Variants in VSTM4 observed in about 807,000 individuals in gnomAD.
VSTM4 encodes the protein V-set and transmembrane domain-containing protein 4.
VSTM4 carries 20 observed loss-of-function variants against 36.4 expected under a neutral mutation model. That is an observed-to-expected ratio of 0.55 (90% CI 0.39 to 0.80). The LOEUF (loss-of-function observed/expected upper bound fraction) is 0.80, where lower values mean the gene tolerates loss of function less well. Ranked by LOEUF, VSTM4 falls within the 30% of genes least tolerant of loss-of-function variation. The pLI, the probability that VSTM4 is intolerant of heterozygous loss-of-function variation, is 0.00. For missense variants in VSTM4, 392 were observed against 404.5 expected, an observed-to-expected ratio of 0.97 and a Z score of 0.26; for synonymous variants, 182 against 173.9, an observed-to-expected ratio of 1.05 and a Z score of -0.37.
chr10:49,020,069 T>G (rs1020860908), intron 7 of VSTM4, among the ~76,000 whole-genome samples: 1 of 152,072 alleles, frequency 6.6e-6, no homozygotes, highest in Non-Finnish European at 1.5e-5. Context: ...ACTTTAATGC[T>G]GAAGAGTAAA....
intron 5 of VSTM4, among the ~76,000 whole-genome samples, chr10:49,057,423 C>T (rs1843799989): frequency 6.6e-6 from 1 of 152,174 alleles, no homozygotes; most frequent in Non-Finnish European, 1.5e-5. Context: ...AAACCCTTAG[C>T]GACAGGGACA....
At chr10:49,026,972 A>C (rs936133890) in intron 7 of VSTM4, among the ~76,000 whole-genome samples, 1 of 152,154 alleles carries the variant, frequency 6.6e-6, no homozygotes, top group Non-Finnish European at 1.5e-5. Flanking sequence ...AGGGGAGTAC[A>C]GGTTTCTGTT....
intron 7 of VSTM4, among the ~76,000 whole-genome samples, chr10:49,034,668 C>T (rs185942664): frequency 2.0e-5 from 3 of 152,168 alleles, no homozygotes; most frequent in East Asian, 1.9e-4. Flanking sequence ...ATTTTGGGTG[C>T]CTAGCTTGAT....
At chr10:49,062,057 C>T (rs1018025539) in intron 5 of VSTM4, among the ~76,000 whole-genome samples, 10 of 152,182 alleles carry the variant, frequency 6.6e-5, no homozygotes, top group African/African-American at 2.4e-4. Flanking sequence ...TTACAATACA[C>T]ATATGTGACT....
chr10:49,108,100 T>G, intron 1 of VSTM4, 105 bp from the exon 2 acceptor site: 3 of 1,393,668 alleles, frequency 2.2e-6, no homozygotes, highest in South Asian at 3.0e-5. Context: ...CTGGGCATCC[T>G]AGTGCTCTGC....
At chr10:49,104,499 C>G (rs1003714757) in intron 2 of VSTM4, among the ~76,000 whole-genome samples, 2 of 152,238 alleles carry the variant, frequency 1.3e-5, no homozygotes, top group Non-Finnish European at 2.9e-5. Context: ...CCAACCCAAA[C>G]AGCCTGCCTG....
At chr10:49,105,339 A>G (rs1296181736) in intron 2 of VSTM4, among the ~76,000 whole-genome samples, 5 of 131,880 alleles carry the variant, frequency 3.8e-5, no homozygotes, top group Non-Finnish European at 4.9e-5. Context: ...CGGGGGGGGG[A>G]GAGACAGAGA....
intron 7 of VSTM4, among the ~76,000 whole-genome samples, chr10:49,045,544 C>T (rs957666625): frequency 6.6e-6 from 1 of 152,168 alleles, no homozygotes; most frequent in Non-Finnish European, 1.5e-5. Flanking sequence ...CATATCTCCC[C>T]TAAGATTTTT....
chr10:49,115,457 G>C lies in VSTM4; in HGVS notation c.29C>G (p.Ala10Gly). 1 of 1,038,772 alleles carries C rather than the reference G, an allele frequency of 9.6e-7. No homozygotes were observed. Among genetic ancestry groups the C allele is most frequent in the East Asian group, 1.0e-4 (1 of 9,806 alleles). 64.3% of individuals were successfully genotyped at this position (1,038,772 alleles called of 1,614,324 possible). ...CGGAGCCGGAGCCCGCGCCAGCAGC[G>C]CGGCCGCCGCCAGTGCCAGCAGCCG... MRLLALAAAALLARAPAPEV... is the reference protein window; with the variant it reads MRLLALAAAGLLARAPAPEV... The change falls in exon 1 of 8, where the codon GCG (alanine) becomes GGG (glycine). Residue 10 changes from alanine (A) to glycine (G), a missense_variant. Physicochemically the swap from Ala to Gly is moderately conservative, Grantham distance 60 (BLOSUM62 0). Transcript: ENST00000332853.
chr10:49,088,252 A>T (rs954581900), intron 2 of VSTM4, among the ~76,000 whole-genome samples: 1 of 152,124 alleles, frequency 6.6e-6, no homozygotes, highest in Admixed American at 6.5e-5. Flanking sequence ...CACTGGGCAC[A>T]TTGCCTGGCA....
chr10:49,115,099 C>A (rs1844967836), intron 1 of VSTM4, among the ~76,000 whole-genome samples: 2 of 152,194 alleles, frequency 1.3e-5, no homozygotes, highest in Admixed American at 1.3e-4. Flanking sequence ...AAAAGGAAAG[C>A]GAACCACCAA....
intron 7 of VSTM4, among the ~76,000 whole-genome samples, chr10:49,024,292 G>C (rs1843224143): frequency 6.6e-6 from 1 of 152,110 alleles, no homozygotes; most frequent in African/African-American, 2.4e-5. Context: ...AAAACTACCA[G>C]ACAGGGAGAA....
At chr10:49,035,055 C>T (rs1355239867) in intron 7 of VSTM4, among the ~76,000 whole-genome samples, 2 of 152,192 alleles carry the variant, frequency 1.3e-5, no homozygotes, top group South Asian at 2.1e-4. Flanking sequence ...TCTGCAGGCA[C>T]GTGGGGACAG....
chr10:49,055,470 T>G (rs969138182), intron 5 of VSTM4, among the ~76,000 whole-genome samples: 11 of 152,180 alleles, frequency 7.2e-5, no homozygotes, highest in Non-Finnish European at 1.6e-4. Context: ...AGGAGGGGCA[T>G]TGGTCTCCAC....
At chr10:49,059,852 T>C (rs182520503) in intron 5 of VSTM4, among the ~76,000 whole-genome samples, 51 of 152,388 alleles carry the variant, frequency 3.3e-4, no homozygotes, top group African/African-American at 1.1e-3. Context: ...TTCCATCTTG[T>C]ATTTTTATAG....
chr10:49,107,936 C>A lies in VSTM4; in HGVS notation c.115G>T (p.Gly39Trp). 1 of 1,612,002 alleles carries A rather than the reference C, an allele frequency of 6.2e-7. No homozygotes were observed. The highest frequency in any genetic ancestry group is 8.5e-7 in the Non-Finnish European group (1 of 1,178,958). Residue 39 changes from glycine (G) to tryptophan (W), a missense_variant, in exon 2 of 8, where the codon GGG becomes TGG. Gly to Trp is a radical substitution (Grantham distance 184). Transcript: ENST00000332853. ...SPGPVVDYLEGENATLLCHVS... is the reference protein window; with the variant it reads ...SPGPVVDYLEWENATLLCHVS... ...TGGCAGAGGAGAGTGGCATTCTCCC[C>A]CTCCAGGTAGTCAACCACGGGCCCC...
Position 49,115,502 on chromosome 10 carries a change from G to T in VSTM4, c.-17C>A. 1 of 988,574 alleles carries T rather than the reference G, an allele frequency of 1.0e-6. No individual in the cohort carries two copies. Among genetic ancestry groups the T allele is most frequent in the South Asian group, 4.5e-5 (1 of 22,356 alleles). The allele number at this position is 988,574 out of a possible 1,614,324, so 61.2% of individuals were successfully genotyped here. A position where few individuals can be genotyped will look rare whatever the true frequency, so the allele number is the denominator to read the frequency against. On this transcript the variant is annotated 5_prime_UTR_variant, in exon 1 of 8. Transcript: ENST00000332853. ...CAGCCGCATCTCCCCGCCGCCGCCC[G>T]GCGCTGTGACGCGGGAGAGCGCCGC...
chr10:49,056,252 T>C (rs1379526010), intron 5 of VSTM4, among the ~76,000 whole-genome samples: 1 of 152,238 alleles, frequency 6.6e-6, no homozygotes. Flanking sequence ...CTTCATGAAG[T>C]CCACAGCAGA....
intron 2 of VSTM4, among the ~76,000 whole-genome samples, chr10:49,100,582 TA>T (rs1005470405): frequency 9.4e-5 from 14 of 148,578 alleles, no homozygotes; most frequent in South Asian, 8.5e-4. Context: ...GAAAGACATT[TA>T]AAAAAAAAAC....
Sources: allele counts gnomAD v4.1 joint callset (sites outside exome capture counted in the v4.1 genomes callset), GRCh38; gene constraint gnomAD v4.1.1; transcripts MANE v1.5; gene names NCBI Gene and HGNC (gene_info 2026-07-23, HGNC 2026-07-21).